The following SCML2 variants were observed in gnomAD, a reference collection of about 807,000 sequenced individuals.
SCML2 encodes Scm polycomb group protein like 2, also known as sex comb on midleg-like protein 2.
SCML2 carries 6 observed loss-of-function variants against 48.4 expected under a neutral mutation model. That is an observed-to-expected ratio of 0.12 (90% CI 0.07 to 0.24). SCML2 has a LOEUF of 0.24. Among genes scored for constraint, SCML2 ranks in the 10% least tolerant of loss-of-function variants. The pLI is 1.00. For missense variants in SCML2, 377 were observed against 528.2 expected (o/e 0.71, Z 2.81); for synonymous variants, 181 against 189.5 (o/e 0.95, Z 0.37).
At chrX:18,316,925 G>A (rs1023662959) in intron 6 of SCML2, among the ~76,000 whole-genome samples, 4 of 111,939 alleles carry the variant, frequency 3.6e-5, no homozygotes, top group African/African-American at 9.7e-5. Flanking sequence ...GAATCATCCC[G>A]AAACCACCCA....
chrX:18,307,104 G>A (rs1928779832), intron 6 of SCML2, among the ~76,000 whole-genome samples: 1 of 111,203 alleles, frequency 9.0e-6, no homozygotes, highest in Admixed American at 9.6e-5. Context: ...GCAACAAGAC[G>A]AAACCTCGTC....
intron 7 of SCML2, among the ~76,000 whole-genome samples, chrX:18,287,614 G>A (rs930546133): frequency 2.7e-5 from 3 of 111,345 alleles, no homozygotes; most frequent in East Asian, 2.8e-4. Flanking sequence ...GTTCTCTACC[G>A]CCATACCTAA....
chrX:18,285,892 G>A (rs1466815281), intron 7 of SCML2, among the ~76,000 whole-genome samples: 1 of 111,257 alleles, frequency 9.0e-6, no homozygotes, highest in Non-Finnish European at 1.9e-5. Context: ...TTTTAAGTCT[G>A]TTAGCTACCA....
chrX:18,248,694 G>A (rs1157059353), intron 11 of SCML2, among the ~76,000 whole-genome samples: 1 of 111,408 alleles, frequency 9.0e-6, no homozygotes, highest in Non-Finnish European at 1.9e-5. Flanking sequence ...TTTTAATAAT[G>A]GACTGTAAAA....
chrX:18,307,834 A>G (rs1928805994), intron 6 of SCML2, among the ~76,000 whole-genome samples: 2 of 109,900 alleles, frequency 1.8e-5, no homozygotes, highest in Non-Finnish European at 3.8e-5. Flanking sequence ...ATTGGCTCAC[A>G]CCTGTAATCC....
intron 2 of SCML2, 56 bp downstream of exon 2, chrX:18,333,994 T>C (rs1383637381): frequency 9.4e-7 from 1 of 1,059,027 alleles, no homozygotes; most frequent in Non-Finnish European, 1.3e-6. Flanking sequence ...TACCAGAAGA[T>C]ATTCATTCCA....
At chrX:18,343,792 GA>G (rs1050848619) in intron 1 of SCML2, among the ~76,000 whole-genome samples, 2 of 99,106 alleles carry the variant, frequency 2.0e-5, no homozygotes, top group African/African-American at 7.3e-5. Context: ...AAAAGAAAAG[GA>G]AAAAAAAACC....
At chrX:18,308,265 A>C (rs1928825331) in intron 6 of SCML2, among the ~76,000 whole-genome samples, 2 of 97,232 alleles carry the variant, frequency 2.1e-5, no homozygotes, top group Admixed American at 1.2e-4. Context: ...ATCTCAAAAA[A>C]AAAAAAACAA....
Position 18,307,229 on chromosome X carries a change from G to A in SCML2, c.487-2014C>T, listed in dbSNP as rs747222150. ...AGCCCCGGAAGTCATCCAGGCCGCG[G>A]CGAGCCGTGTTCTTGCCACTGCACT... On this transcript the variant is annotated intron_variant, in intron 6 of 14. Transcript: ENST00000251900. Among the ~76,000 whole-genome samples, 443 of 109,988 alleles carry A rather than the reference G, an allele frequency of 4.0e-3. 3 individuals are homozygous for A. Among genetic ancestry groups the A allele is most frequent in the African/African-American group, 0.014 (422 of 30,200 alleles).
chrX:18,243,099 G>A (rs181588211), intron 13 of SCML2, among the ~76,000 whole-genome samples: 107 of 111,289 alleles, frequency 9.6e-4, no homozygotes, highest in African/African-American at 3.3e-3. Flanking sequence ...TTTGAGACAG[G>A]GTCTCGCTCT....
chrX:18,243,086 T>G (rs1044380098), intron 13 of SCML2, among the ~76,000 whole-genome samples: 2 of 111,871 alleles, frequency 1.8e-5, no homozygotes, highest in Non-Finnish European at 3.8e-5. Flanking sequence ...TTGTTTTGGT[T>G]TTTTTGAGAC....
intron 9 of SCML2, among the ~76,000 whole-genome samples, chrX:18,259,268 A>T (rs1379621273): frequency 9.0e-6 from 1 of 110,545 alleles, no homozygotes. Context: ...CTCAAAAAAA[A>T]AAAAAACAAC....
At chrX:18,286,531 C>A (rs764368592) in intron 7 of SCML2, among the ~76,000 whole-genome samples, 2 of 111,343 alleles carry the variant, frequency 1.8e-5, no homozygotes, top group South Asian at 7.7e-4. Context: ...ACTGACTCAG[C>A]AGAACATAAT....
chrX:18,239,879 C>T lies in SCML2; in HGVS notation c.*1372G>A, dbSNP rs1286179319. On this transcript the variant is annotated 3_prime_UTR_variant, in exon 15 of 15. Transcript: ENST00000251900. ...GGGCGTGGTGGTGCATTCCTGTAATCGCTGAGGCAGGAGAATTGCTTGAAC... is the reference window on the plus strand; with the variant it reads ...GGGCGTGGTGGTGCATTCCTGTAATTGCTGAGGCAGGAGAATTGCTTGAAC... The T allele has an allele frequency of 9.0e-6, 1 of 111,352 alleles. No individual in the cohort carries two copies. The allele number at this position is 111,352 out of a possible 1,213,427, so 9.2% of individuals were successfully genotyped here.
chrX:18,325,916 A>C (rs1238655344), intron 3 of SCML2, among the ~76,000 whole-genome samples: 1 of 112,455 alleles, frequency 8.9e-6, no homozygotes, highest in Non-Finnish European at 1.9e-5. Flanking sequence ...CCTTCAAAAG[A>C]TATTATACTT....
chrX:18,312,386 T>A (rs1433033599), intron 6 of SCML2, among the ~76,000 whole-genome samples: 1 of 110,824 alleles, frequency 9.0e-6, no homozygotes, highest in Non-Finnish European at 1.9e-5. Flanking sequence ...CCTATATACA[T>A]CCCCCCATAT....
chrX:18,257,927 G>A (rs1328439073), intron 10 of SCML2, 117 bp downstream of exon 10: 2 of 447,107 alleles, frequency 4.5e-6, no homozygotes, highest in Non-Finnish European at 7.6e-6. Flanking sequence ...CGGGGGAGGG[G>A]GAAGGGGAGG....
In SCML2 at chrX:18,257,179, A is replaced by G. The variant is rs983930568; in HGVS notation, c.1274-149T>C. 44 of 369,998 alleles carry G rather than the reference A, an allele frequency of 1.2e-4. No individual in the cohort carries two copies. The East Asian group carries it at 1.9e-3, about 16-fold the overall frequency. The allele number at this position is 369,998 out of a possible 1,213,427, so 30.5% of individuals were successfully genotyped here. ...TAAAGGAATGATCTTATATTATAAA[A>G]GCTCCTCTCAAACACAATAGCCTGT... On this transcript the variant is annotated intron_variant, in intron 10 of 14. Coordinates refer to ENST00000251900, the MANE Select transcript of SCML2 (RefSeq NM_006089.3).
chrX:18,341,744 G>A (rs192190753), intron 1 of SCML2, among the ~76,000 whole-genome samples: 307 of 111,149 alleles, frequency 2.8e-3, no homozygotes, highest in African/African-American at 9.4e-3. Flanking sequence ...ATACTAGGAA[G>A]AATCTGCGAA....
Sources: gnomAD v4.1 joint callset for allele counts (sites outside exome capture counted in the v4.1 genomes callset) on GRCh38, gnomAD v4.1.1 for gene constraint, MANE v1.5 for transcripts, NCBI Gene and HGNC (gene_info 2026-07-23, HGNC 2026-07-21) for gene names.